Variants in SLC4A5 observed in about 807,000 individuals in gnomAD.
SLC4A5 encodes the protein electrogenic sodium bicarbonate cotransporter 4.
A neutral mutation model predicts 120.4 loss-of-function variants in SLC4A5; 96 were observed. The ratio of observed to expected loss-of-function variants is 0.80; its 90% CI spans 0.68 to 0.94. The LOEUF is 0.94. SLC4A5 is among the 40% of genes least tolerant of loss of function. The probability of loss-of-function intolerance (pLI) is 0.00; values close to 1 mark genes in which losing one functional copy is unlikely to be tolerated. For missense variants in SLC4A5, 1,259 were observed against 1,459.5 expected (o/e 0.86, Z 2.24); for synonymous variants, 550 against 571.1 (o/e 0.96, Z 0.53).
chr2:74,332,434 CT>C (rs1478491006), intron 4 of SLC4A5, among the ~76,000 whole-genome samples: 1 of 152,196 alleles, frequency 6.6e-6, no homozygotes, highest in Non-Finnish European at 1.5e-5. Flanking sequence ...GACCTTTGAT[CT>C]TCAGGCATCT....
chr2:74,304,581 C>A, exon 7 of SLC4A5: 1 of 1,614,188 alleles, frequency 6.2e-7, no homozygotes, highest in Non-Finnish European at 8.5e-7. Flanking sequence ...TGGCCGCAGG[C>A]CCCAGTGGAC....
intron 8 of SLC4A5, among the ~76,000 whole-genome samples, chr2:74,277,218 T>C (rs1671671479): frequency 6.6e-6 from 1 of 152,146 alleles, no homozygotes; most frequent in Admixed American, 6.5e-5. Context: ...GAGCCAGAGA[T>C]GGAGATGCTG....
Position 74,226,991 on chromosome 2 carries a change from T to G in SLC4A5, c.3056A>C (p.Lys1019Thr), listed in dbSNP as rs747021590. The change falls in exon 27 of 31, where the codon AAA becomes ACA. Residue 1019 changes from lysine (K) to threonine (T), a missense_variant. Lys to Thr is a moderately conservative substitution (Grantham distance 78). Transcript: ENST00000394019. The stretch of plus-strand genomic sequence containing the variant: ...GAAGATGATGGCAGCCACCGTGGAT[T>G]TGAGGATCCAGAGCACCGCCAGGCA... 3.7e-6 allele frequency: 6 copies of G among 1,613,828 alleles called. No homozygotes were observed. The highest frequency in any genetic ancestry group is 3.3e-5 in the Admixed American group (2 of 59,982).
chr2:74,273,211 T>C (rs950296892), intron 8 of SLC4A5, among the ~76,000 whole-genome samples: 2 of 152,244 alleles, frequency 1.3e-5, no homozygotes, highest in African/African-American at 2.4e-5. Flanking sequence ...CTGGAGAATA[T>C]ACATAAACAT....
At chr2:74,304,609 G>A in exon 7 of SLC4A5, 1 of 1,614,202 alleles carries the variant, frequency 6.2e-7, no homozygotes, top group Non-Finnish European at 8.5e-7. Context: ...AGGCCTGAAA[G>A]ATGTCCCTTC....
At chr2:74,241,400 G>T (rs1670438926) in intron 20 of SLC4A5, among the ~76,000 whole-genome samples, 1 of 151,236 alleles carries the variant, frequency 6.6e-6, no homozygotes, top group Admixed American at 6.6e-5. Context: ...TGAGTAGCTG[G>T]GATTACAGGT....
chr2:74,234,982 G>T, intron 22 of SLC4A5, 119 bp downstream of exon 22: 2 of 772,844 alleles, frequency 2.6e-6, no homozygotes, highest in Non-Finnish European at 2.1e-6. Flanking sequence ...GTGGCACACA[G>T]AGAACTAAAA....
At chr2:74,265,754 C>A (rs1297547038) in intron 8 of SLC4A5, among the ~76,000 whole-genome samples, 1 of 152,160 alleles carries the variant, frequency 6.6e-6, no homozygotes, top group Non-Finnish European at 1.5e-5. Flanking sequence ...TCCCTGAGTT[C>A]CCCTGCAAGG....
At position 74,227,096 on chromosome 2, in the gene SLC4A5, G is replaced by A; in HGVS notation, c.2951C>T (p.Ala984Val). 6.2e-7 allele frequency: 1 copy of A among 1,613,880 alleles called. No homozygotes were observed. Among genetic ancestry groups the A allele is most frequent in the East Asian group, 2.2e-5 (1 of 44,866 alleles). ...GAAGGCATGGTCCGGCTGGTGCTTG[G>A]CTGGCATCAGGAAGAGCTTGCAGCG... Residue 984 changes from alanine (A) to valine (V), a missense_variant, in exon 27 of 31, where the codon GCC becomes GTC. Ala to Val is a moderately conservative substitution (Grantham distance 64). Transcript: ENST00000394019.
At chr2:74,254,561 C>T in intron 14 of SLC4A5, 58 bp downstream of exon 14, 3 of 1,303,114 alleles carry the variant, frequency 2.3e-6, no homozygotes, top group Non-Finnish European at 3.3e-6. Flanking sequence ...AATGAAGGTG[C>T]AGTGCTTGGT....
In SLC4A5 at chr2:74,307,639, C is replaced by G; in HGVS notation, c.80-2959G>C. The G allele has an allele frequency of 3.0e-6, 3 of 986,934 alleles. No individual in the cohort carries two copies. In the South Asian group the frequency reaches 3.8e-5, roughly 12 times the overall value. The allele number at this position is 986,934 out of a possible 1,614,324, so 61.1% of individuals were successfully genotyped here. A position where few individuals can be genotyped will look rare whatever the true frequency, so the allele number is the denominator to read the frequency against. Reference sequence around the variant, plus strand: ...ATGGTCTTGAAGTAATGGCTCCAGTCTCTGACCTGGGGTCCCTTCTTCTCC... The same window carrying G: ...ATGGTCTTGAAGTAATGGCTCCAGTGTCTGACCTGGGGTCCCTTCTTCTCC... On this transcript the variant is annotated intron_variant, in intron 6 of 30. Transcript: ENST00000394019.
chr2:74,278,597 C>A (rs202231462), intron 8 of SLC4A5, among the ~76,000 whole-genome samples: 10 of 152,108 alleles, frequency 6.6e-5, no homozygotes, highest in Non-Finnish European at 1.5e-4. Context: ...TTCAGGGAAC[C>A]TTTTACCTGG....
chr2:74,266,893 A>G (rs1671318851), intron 8 of SLC4A5, among the ~76,000 whole-genome samples: 1 of 152,214 alleles, frequency 6.6e-6, no homozygotes, highest in Non-Finnish European at 1.5e-5. Flanking sequence ...TCAAGTTCAA[A>G]GAAAAGTAAT....
At chr2:74,324,486 G>A (rs1006053494) in intron 5 of SLC4A5, among the ~76,000 whole-genome samples, 5 of 152,080 alleles carry the variant, frequency 3.3e-5, no homozygotes, top group African/African-American at 1.2e-4. Context: ...TCTAGGTTGG[G>A]GCCTGGAAAT....
intron 27 of SLC4A5, among the ~76,000 whole-genome samples, chr2:74,226,437 CAAG>C (rs1200077296): frequency 6.6e-6 from 1 of 152,162 alleles, no homozygotes; most frequent in Non-Finnish European, 1.5e-5. Context: ...ACAATATTTG[CAAG>C]AATAGTGAAA....
chr2:74,244,424 T>G (rs1451377102), intron 19 of SLC4A5, among the ~76,000 whole-genome samples: 3 of 141,810 alleles, frequency 2.1e-5, no homozygotes, highest in African/African-American at 7.7e-5. Flanking sequence ...CCTCCCTCCT[T>G]CCCTTTCTTT....
At chr2:74,261,394 C>A (rs1006064875) in intron 11 of SLC4A5, among the ~76,000 whole-genome samples, 1 of 152,198 alleles carries the variant, frequency 6.6e-6, no homozygotes, top group Non-Finnish European at 1.5e-5. Context: ...GCCTGCTGTG[C>A]CCAAGGCCAC....
At chr2:74,295,222 G>A (rs946762079) in intron 7 of SLC4A5, among the ~76,000 whole-genome samples, 1 of 151,922 alleles carries the variant, frequency 6.6e-6, no homozygotes, top group Non-Finnish European at 1.5e-5. Flanking sequence ...GTGATGGGGG[G>A]TGGGAGTTGC....
chr2:74,220,795 C>T lies in SLC4A5; in HGVS notation c.*33+639G>A, dbSNP rs367991310. ...CCTCCCAAAGTGCTGGGACTACAGG[C>T]GTGAGCCACCGCGCCTGGCTTCTGT... On this transcript the variant is annotated intron_variant, in intron 30 of 30. Transcript: ENST00000394019. Among the ~76,000 whole-genome samples the T allele has an allele frequency of 1.5e-4, 22 of 144,802 alleles. No homozygotes were observed. The East Asian group carries it at 4.5e-3, about 30-fold the overall frequency. The allele number at this position is 144,802 out of a possible 152,430, so 95.0% of individuals were successfully genotyped here. A position where few individuals can be genotyped will look rare whatever the true frequency, so the allele number is the denominator to read the frequency against.
Sources: gnomAD v4.1 joint callset for allele counts (sites outside exome capture counted in the v4.1 genomes callset) on GRCh38, gnomAD v4.1.1 for gene constraint, MANE v1.5 for transcripts, NCBI Gene and HGNC (gene_info 2026-07-23, HGNC 2026-07-21) for gene names.